ARHGAP24: variants seen among roughly 807,000 people sequenced by gnomAD.
ARHGAP24 encodes the protein rho GTPase-activating protein 24.
A neutral mutation model predicts 76.4 loss-of-function variants in ARHGAP24; 50 were observed. The observed-to-expected ratio is 0.65, with a 90% CI of 0.52 to 0.83. The LOEUF is 0.83. Ranked by LOEUF, ARHGAP24 falls within the 40% of genes least tolerant of loss-of-function variation. ARHGAP24 has a pLI of 0.00. For synonymous variants in ARHGAP24, 345 were observed against 323.3 expected, an observed-to-expected ratio of 1.07 and a Z score of -0.72; for missense variants, 930 against 914.2, an observed-to-expected ratio of 1.02 and a Z score of -0.22.
chr4:85,612,834 G>A lies in ARHGAP24; in HGVS notation c.180+42113G>A, dbSNP rs558439627. Among the ~76,000 whole-genome samples the A allele has an allele frequency of 6.9e-5, 8 of 115,434 alleles. No homozygotes were observed. In the East Asian group the frequency reaches 1.7e-3, roughly 25 times the overall value. The allele number at this position is 115,434 out of a possible 152,430, so 75.7% of individuals were successfully genotyped here. Reference sequence around the variant, plus strand: ...TTTTTTGTGGCAATCTCGCTGTGTCGTCACCCAGGCTGCTGGTGCAGTGGC... The same window carrying A: ...TTTTTTGTGGCAATCTCGCTGTGTCATCACCCAGGCTGCTGGTGCAGTGGC... On this transcript the variant is annotated intron_variant, in intron 2 of 9. Transcript: ENST00000395184.
Position 85,937,699 on chromosome 4 carries a change from G to T in ARHGAP24, c.392-4367G>T, listed in dbSNP as rs977192952. Among the ~76,000 whole-genome samples the T allele has an allele frequency of 2.6e-5, 4 of 152,266 alleles. No homozygotes were observed. The East Asian group carries it at 7.7e-4, about 29-fold the overall frequency. The stretch of plus-strand genomic sequence containing the variant: ...AAGAAGGAGACTGACAGTTTTAAAG[G>T]GAGTGAGACATGAAGTAATACAAAG... On this transcript the variant is annotated intron_variant, in intron 4 of 9. Transcript: ENST00000395184.
intron 5 of ARHGAP24, among the ~76,000 whole-genome samples, chr4:85,947,969 T>C (rs992997266): frequency 1.3e-5 from 2 of 152,200 alleles, no homozygotes; most frequent in African/African-American, 4.8e-5. Context: ...TAAGGATTCA[T>C]AAATTTACTC....
chr4:85,643,817 C>A (rs986322200), intron 2 of ARHGAP24, among the ~76,000 whole-genome samples: 1 of 152,116 alleles, frequency 6.6e-6, no homozygotes, highest in African/African-American at 2.4e-5. Context: ...AGTGAGAACT[C>A]TCATTGTTAT....
chr4:85,941,996 TAAAAC>T (rs1736974389), intron 4 of ARHGAP24, 65 bp from the exon 5 acceptor site: 1 of 1,493,374 alleles, frequency 6.7e-7, no homozygotes, highest in African/African-American at 1.4e-5. Context: ...TATATTGAAT[TAAAAC>T]AACAACAACA....
chr4:85,952,858 A>G (rs997839010), intron 5 of ARHGAP24, among the ~76,000 whole-genome samples: 1 of 152,210 alleles, frequency 6.6e-6, no homozygotes, highest in Non-Finnish European at 1.5e-5. Context: ...ATAGTTTCTA[A>G]CCATTCTTGT....
At chr4:85,482,621 C>T (rs761768115) in intron 1 of ARHGAP24, among the ~76,000 whole-genome samples, 7 of 152,092 alleles carry the variant, frequency 4.6e-5, no homozygotes, top group Admixed American at 1.3e-4. Flanking sequence ...GAGACAGTAC[C>T]GGGAACTAAA....
intron 2 of ARHGAP24, among the ~76,000 whole-genome samples, chr4:85,639,730 T>G (rs1159332709): frequency 6.6e-6 from 1 of 151,372 alleles, no homozygotes; most frequent in Non-Finnish European, 1.5e-5. Context: ...GGGGAGAAGT[T>G]TGCCTTTTTT....
chr4:85,992,017 C>T, intron 8 of ARHGAP24: 1 of 394,892 alleles, frequency 2.5e-6, no homozygotes, highest in Non-Finnish European at 4.5e-6. Flanking sequence ...TTAGAGTCAA[C>T]CTGTATAAAA....
intron 2 of ARHGAP24, among the ~76,000 whole-genome samples, chr4:85,665,717 CA>C (rs1230654817): frequency 3.3e-5 from 5 of 152,050 alleles, no homozygotes; most frequent in Admixed American, 6.6e-5. Context: ...CTGGTGGTGA[CA>C]AAAATCTCTC....
At chr4:85,564,054 C>G (rs1411109808) in intron 1 of ARHGAP24, among the ~76,000 whole-genome samples, 1 of 152,136 alleles carries the variant, frequency 6.6e-6, no homozygotes, top group Admixed American at 6.5e-5. Flanking sequence ...TTAGTAAACA[C>G]TGGATGGCAA....
chr4:85,731,638 C>T (rs1043786850), intron 3 of ARHGAP24, among the ~76,000 whole-genome samples: 4 of 152,040 alleles, frequency 2.6e-5, no homozygotes, highest in Non-Finnish European at 4.4e-5. Context: ...TAAAAGTAGA[C>T]AACATTATAG....
At chr4:85,658,007 G>C (rs576415279) in intron 2 of ARHGAP24, among the ~76,000 whole-genome samples, 1 of 152,088 alleles carries the variant, frequency 6.6e-6, no homozygotes, top group African/African-American at 2.4e-5. Flanking sequence ...TGCCCCCCTC[G>C]GCTTCCCAAG....
At chr4:85,916,258 G>A (rs538023438) in intron 3 of ARHGAP24, among the ~76,000 whole-genome samples, 44 of 152,170 alleles carry the variant, frequency 2.9e-4, no homozygotes, top group Non-Finnish European at 4.9e-4. Flanking sequence ...CTTTTTGGTG[G>A]GGTTGTTTTT....
At chr4:85,561,346 G>A (rs1378012648) in intron 1 of ARHGAP24, among the ~76,000 whole-genome samples, 7 of 152,134 alleles carry the variant, frequency 4.6e-5, no homozygotes, top group Non-Finnish European at 1.0e-4. Context: ...TAGGCTCCTG[G>A]AATTTGTATC....
At chr4:85,597,261 T>A (rs368806745) in intron 2 of ARHGAP24, among the ~76,000 whole-genome samples, 1 of 152,114 alleles carries the variant, frequency 6.6e-6, no homozygotes, top group Non-Finnish European at 1.5e-5. Flanking sequence ...AATTTATTGA[T>A]TTTGCTTTCT....
chr4:85,776,326 C>T (rs1161165679), intron 3 of ARHGAP24, among the ~76,000 whole-genome samples: 1 of 152,160 alleles, frequency 6.6e-6, no homozygotes, highest in Non-Finnish European at 1.5e-5. Context: ...TTCAACACCA[C>T]AGGGCAAATC....
At chr4:85,592,683 A>G (rs1036681332) in intron 2 of ARHGAP24, among the ~76,000 whole-genome samples, 2 of 152,082 alleles carry the variant, frequency 1.3e-5, no homozygotes, top group African/African-American at 4.8e-5. Context: ...TCTTATCTCC[A>G]TGAGTTCAAT....
chr4:85,722,376 T>G, intron 3 of ARHGAP24: 1 of 171,002 alleles, frequency 5.8e-6, no homozygotes, highest in Non-Finnish European at 1.3e-5. Flanking sequence ...AAGGAGGTTT[T>G]GCAAAAAACA....
intron 1 of ARHGAP24, among the ~76,000 whole-genome samples, chr4:85,564,327 G>A (rs1215614717): frequency 6.6e-6 from 1 of 151,638 alleles, no homozygotes; most frequent in African/African-American, 2.4e-5. Flanking sequence ...CTCGCTCATA[G>A]GTGGGAATTG....
Sources: gnomAD v4.1 joint callset for allele counts (sites outside exome capture counted in the v4.1 genomes callset) on GRCh38, gnomAD v4.1.1 for gene constraint, MANE v1.5 for transcripts, NCBI Gene and HGNC (gene_info 2026-07-23, HGNC 2026-07-21) for gene names.